The following TNIK variants were observed in gnomAD, a reference collection of about 807,000 sequenced individuals.
The protein encoded by TNIK is TRAF2 and NCK interacting kinase.
In TNIK, 49 loss-of-function variants were observed where a neutral mutation model predicts 191.3. The ratio of observed to expected loss-of-function variants is 0.26; its 90% CI spans 0.20 to 0.32. The LOEUF (loss-of-function observed/expected upper bound fraction) is 0.32, where lower values mean the gene tolerates loss of function less well. Ranked by LOEUF, TNIK falls within the 10% of genes least tolerant of loss-of-function variation. The pLI is 1.00. For missense variants in TNIK, 1,155 were observed against 1,702.3 expected (o/e 0.68, Z 5.66); for synonymous variants, 594 against 600.9 (o/e 0.99, Z 0.17).
intron 1 of TNIK, among the ~76,000 whole-genome samples, chr3:171,386,289 G>A (rs1718719011): frequency 6.6e-6 from 1 of 152,160 alleles, no homozygotes; most frequent in Non-Finnish European, 1.5e-5. Context: ...GTACCAGCTG[G>A]GTCCCAGAGA....
In TNIK at chr3:171,063,909, A is replaced by G. The variant is rs1718096431; in HGVS notation, c.4055T>C (p.Leu1352Pro). 6.2e-7 allele frequency: 1 copy of G among 1,613,728 alleles called. No homozygotes were observed. The highest frequency in any genetic ancestry group is 8.5e-7 in the Non-Finnish European group (1 of 1,179,782). ...CCAGTTCATCATGGAATTTCTGTTG[A>G]GGGTCATGAAAAACACTTGGCTACT... ...GGSSQVFFMTLNRNSMMNW is the reference protein window; with the variant it reads ...GGSSQVFFMTPNRNSMMNW Residue 1352 changes from leucine to proline, a missense_variant, in exon 33 of 33, where the codon CTC (leucine) becomes CCC (proline). This residue lies in a region of TNIK where 195 missense variants were observed against 415.4 expected (regional missense o/e 0.47). Transcript: ENST00000436636.
intron 7 of TNIK, among the ~76,000 whole-genome samples, chr3:171,183,409 C>T (rs1183112330): frequency 2.0e-5 from 3 of 152,134 alleles, no homozygotes; most frequent in Non-Finnish European, 4.4e-5. Flanking sequence ...AGCAGAAAAT[C>T]GTCTTTTGTT....
At chr3:171,124,761 C>T (rs1016915148) in intron 17 of TNIK, among the ~76,000 whole-genome samples, 4 of 152,158 alleles carry the variant, frequency 2.6e-5, no homozygotes, top group Non-Finnish European at 4.4e-5. Context: ...AAGAGCCTAA[C>T]GAATTCTTAA....
chr3:171,188,913 G>A (rs1319435832), intron 6 of TNIK, 81 bp from the exon 7 acceptor site: 5 of 1,516,072 alleles, frequency 3.3e-6, no homozygotes, highest in African/African-American at 1.4e-5. Context: ...TTATTTTATT[G>A]TGGTAAAACA....
intron 28 of TNIK, among the ~76,000 whole-genome samples, chr3:171,076,674 C>T (rs1719994007): frequency 1.3e-5 from 2 of 152,116 alleles, no homozygotes; most frequent in Admixed American, 6.5e-5. Flanking sequence ...TTTTAAAAAG[C>T]CAAAGAACTC....
At chr3:171,350,367 T>G (rs1362859009) in intron 2 of TNIK, among the ~76,000 whole-genome samples, 1 of 151,916 alleles carries the variant, frequency 6.6e-6, no homozygotes, top group Non-Finnish European at 1.5e-5. Flanking sequence ...TCCAGGATTC[T>G]GAGGTGTTTC....
At chr3:171,116,719 A>ACCTTT (rs1553818077) in intron 18 of TNIK, among the ~76,000 whole-genome samples, 2 of 151,514 alleles carry the variant, frequency 1.3e-5, no homozygotes, top group African/African-American at 4.9e-5. Context: ...CTTAATTTGA[A>ACCTTT]TCTTATTCAG....
rs1757255560 is a variant in TNIK, at chr3:171,338,989, T to C, written c.123+30631A>G. On this transcript the variant is annotated intron_variant, in intron 2 of 32. Transcript: ENST00000436636. ...TGCTACATCAATTAGTATTATTTTC[T>C]GTCTCCCATGCCTTCCCCATGATGT... Among the ~76,000 whole-genome samples the C allele has an allele frequency of 2.0e-5, 3 of 152,360 alleles. No homozygotes were observed. The South Asian group carries it at 6.2e-4, about 32-fold the overall frequency.
intron 2 of TNIK, among the ~76,000 whole-genome samples, chr3:171,284,575 G>A (rs545028237): frequency 4.0e-5 from 6 of 151,596 alleles, no homozygotes; most frequent in Non-Finnish European, 7.4e-5. Flanking sequence ...CAATCCTGCC[G>A]TCATTGCATT....
intron 15 of TNIK, 86 bp from the exon 16 acceptor site, chr3:171,128,964 C>T (rs1284981594): frequency 3.8e-5 from 55 of 1,440,846 alleles, no homozygotes; most frequent in Non-Finnish European, 4.5e-5. Context: ...CTGTAGTCAC[C>T]TGCACAGCCA....
At chr3:171,241,022 T>A (rs985653171) in intron 2 of TNIK, among the ~76,000 whole-genome samples, 13 of 146,720 alleles carry the variant, frequency 8.9e-5, no homozygotes, top group Admixed American at 3.3e-4. Flanking sequence ...TTCTGTTTCT[T>A]TTTTTTTCTT....
intron 5 of TNIK, among the ~76,000 whole-genome samples, chr3:171,191,948 GTTCT>G (rs1248467057): frequency 2.0e-5 from 3 of 152,138 alleles, no homozygotes; most frequent in African/African-American, 7.2e-5. Flanking sequence ...GTCCCCGAGT[GTTCT>G]TTATTACCTT....
Position 171,157,546 on chromosome 3 carries a change from C to A in TNIK, c.1135G>T (p.Glu379Ter). 1 of 1,565,024 alleles carries A rather than the reference C, an allele frequency of 6.4e-7. No individual in the cohort carries two copies. Among genetic ancestry groups the A allele is most frequent in the East Asian group, 2.4e-5 (1 of 41,832 alleles). ...RRQQLEQQQRENEEHKRQLLA... is the reference protein window; with the variant it reads ...RRQQLEQQQR Reference sequence around the variant, plus strand: ...AGCTGCCGCTTGTGCTCCTCATTCTCCCGCTGCTGCTGCTCCAGCTGCTGC... The same window carrying A: ...AGCTGCCGCTTGTGCTCCTCATTCTACCGCTGCTGCTGCTCCAGCTGCTGC... The change falls in exon 12 of 33, where the codon GAG becomes TAG. Residue 379 changes from glutamate to a stop codon, truncating the protein, a stop_gained. Coordinates refer to ENST00000436636, the MANE Select transcript of TNIK (RefSeq NM_015028.4). LOFTEE classifies it high-confidence loss of function.
rs140093238 is a variant in TNIK, at chr3:171,070,327, G to A, written c.3549+896C>T. Among the ~76,000 whole-genome samples, 381 of 152,276 alleles carry A rather than the reference G, an allele frequency of 2.5e-3. 3 individuals carry two copies. The highest frequency in any genetic ancestry group is 0.014 in the Middle Eastern group (4 of 294). ...GGGCCTACATGGTGTTCCAAGGGCA[G>A]TTTTGCCCTTCATGAGAATGTGGCA... On this transcript the variant is annotated intron_variant, in intron 29 of 32. Transcript: ENST00000436636.
chr3:171,353,849 T>C (rs1207319401), intron 2 of TNIK, among the ~76,000 whole-genome samples: 1 of 152,220 alleles, frequency 6.6e-6, no homozygotes, highest in African/African-American at 2.4e-5. Context: ...CTTCTCTTAG[T>C]AATAGTAGGC....
intron 1 of TNIK, among the ~76,000 whole-genome samples, chr3:171,382,830 T>A (rs1348238532): frequency 6.6e-6 from 1 of 151,974 alleles, no homozygotes; most frequent in Non-Finnish European, 1.5e-5. Flanking sequence ...CCTCTAAGAG[T>A]GTTCATTACC....
chr3:171,073,786 A>C (rs1177703477), intron 28 of TNIK, among the ~76,000 whole-genome samples: 1 of 152,078 alleles, frequency 6.6e-6, no homozygotes, highest in African/African-American at 2.4e-5. Flanking sequence ...GAGAAATGTA[A>C]ATCAAAACCA....
Position 171,066,653 on chromosome 3 carries a change from T to C in TNIK, c.3782A>G (p.Glu1261Gly). ...GCCATAGGTGTTTACATACACCCCC[T>C]CATCCTCATAGCAAACAAGCATTTC... ...GMEMLVCYED[E>G]GVYVNTYGRI... The change falls in exon 31 of 33, where the codon GAG (glutamate) becomes GGG (glycine). Residue 1261 changes from glutamate (E) to glycine (G), a missense_variant. Physicochemically the swap from Glu to Gly is moderately conservative, Grantham distance 98 (BLOSUM62 -2). This residue lies in a region of TNIK where 195 missense variants were observed against 415.4 expected (regional missense o/e 0.47). Transcript: ENST00000436636. 1 of 1,613,896 alleles carries C rather than the reference T, an allele frequency of 6.2e-7. No homozygotes were observed. The highest frequency in any genetic ancestry group is 8.5e-7 in the Non-Finnish European group (1 of 1,179,878).
At chr3:171,207,562 C>A (rs1315450351) in intron 4 of TNIK, among the ~76,000 whole-genome samples, 1 of 152,082 alleles carries the variant, frequency 6.6e-6, no homozygotes, top group East Asian at 1.9e-4. Flanking sequence ...AGTCAGGATA[C>A]CCGTTTTCCT....
Sources: gnomAD v4.1 joint callset for allele counts (sites outside exome capture counted in the v4.1 genomes callset) on GRCh38, gnomAD v4.1.1 for gene constraint, gnomAD v4.1.1 regional missense constraint, MANE v1.5 for transcripts, NCBI Gene and HGNC (gene_info 2026-07-23, HGNC 2026-07-21) for gene names.